SLC4A3: variants seen among roughly 807,000 people sequenced by gnomAD.
The protein encoded by SLC4A3 is anion exchange protein 3.
A neutral mutation model predicts 114.2 loss-of-function variants in SLC4A3; 47 were observed. The ratio of observed to expected loss-of-function variants is 0.41; its 90% CI spans 0.33 to 0.52. The LOEUF (loss-of-function observed/expected upper bound fraction) is 0.52. Among genes scored for constraint, SLC4A3 ranks in the 20% least tolerant of loss-of-function variants. The pLI, the probability that SLC4A3 is intolerant of heterozygous loss-of-function variation, is 0.21. For synonymous variants in SLC4A3, 693 were observed against 710.3 expected (o/e 0.98, Z 0.39); for missense variants, 1,312 against 1,668.3 (o/e 0.79, Z 3.72).
rs560406273 is a variant in SLC4A3, at chr2:219,639,746, G to C, written c.3277+11G>C. The C allele has an allele frequency of 4.4e-6, 7 of 1,601,114 alleles. No homozygotes were observed. The African/African-American group carries it at 6.7e-5, about 15-fold the overall frequency. The stretch of plus-strand genomic sequence containing the variant: ...TCGCCAGCCTCGTGGGTGAGAGCCC[G>C]CCTCCACCCTGCACACCCCCTTCCT... On this transcript the variant is annotated intron_variant, in intron 20 of 22. Coordinates refer to ENST00000358055, the MANE Select transcript of SLC4A3 (RefSeq NM_005070.4). This position sits in a 1 kb window ranked among gnomAD's most constrained non-coding sequence, Gnocchi z 5.9.
In SLC4A3 at chr2:219,638,249, C is replaced by G; in HGVS notation, c.2852C>G (p.Thr951Arg). ...LVDYSITDTY[T>R]QKLTVPTGLS... ...GATTACTCCATCACAGACACCTACA[C>G]GCAGGTGAGGGAGCCCCAGCCTGTG... Residue 951 changes from threonine (T) to arginine (R), a missense_variant, in exon 18 of 23, where the codon ACG becomes AGG. Physicochemically the swap from Thr to Arg is moderately conservative, Grantham distance 71 (BLOSUM62 -1). Around this residue, in one of 4 missense-constraint regions of SLC4A3, gnomAD observed 301 missense variants for 460.7 expected, o/e 0.65. Transcript: ENST00000358055. The surrounding 1 kb of genome is among the most constrained non-coding windows in gnomAD (Gnocchi z 7.5). 4 of 1,608,862 alleles carry G rather than the reference C, an allele frequency of 2.5e-6. No individual in the cohort carries two copies. The highest frequency in any genetic ancestry group is 3.4e-6 in the Non-Finnish European group (4 of 1,176,786).
rs1698873125 is a variant in SLC4A3 at position 219,630,241 on chromosome 2, C to T, written c.700C>T (p.Arg234Ter). 4.3e-6 allele frequency: 7 copies of T among 1,613,242 alleles called. No homozygotes were observed. The highest frequency in any genetic ancestry group is 2.2e-5 in the East Asian group (1 of 44,870). ...ATCGGCCAGTTATGACCTGCGGGAG[C>T]GACTGTGCCCAGGCAGTGCCCTGGG... ...SPSASYDLRE[R>*]LCPGSALGNP... Residue 234 changes from arginine (R) to a stop codon, truncating the protein, a stop_gained, in exon 6 of 23, where the codon CGA becomes TGA. Transcript: ENST00000358055. LOFTEE classifies it high-confidence loss of function. This position sits in a 1 kb window ranked among gnomAD's most constrained non-coding sequence, Gnocchi z 6.9.
At position 219,637,598 on chromosome 2, in the gene SLC4A3, A is replaced by G; in HGVS notation, c.2553A>G (p.Pro851=). 4 of 1,595,710 alleles carry G rather than the reference A, an allele frequency of 2.5e-6. No individual in the cohort carries two copies. Among genetic ancestry groups the G allele is most frequent in the Non-Finnish European group, 3.4e-6 (4 of 1,168,852 alleles). The change falls in exon 17 of 23, where the codon CCA becomes CCG. Residue 851 remains proline (P), a synonymous_variant. Coordinates refer to ENST00000358055, the MANE Select transcript of SLC4A3 (RefSeq NM_005070.4). The surrounding 1 kb of genome is among the most constrained non-coding windows in gnomAD (Gnocchi z 4.6). The part of the protein sequence containing the change: ...YKLYKVFTEH[P]LLPFYPPEGA... ...ACACACAGGTGTTCACAGAGCACCC[A>G]CTGCTGCCGTTCTACCCCCCTGAGG...
At chr2:219,632,532 G>T (rs1025978304) in intron 8 of SLC4A3, 90 bp downstream of exon 8, 1 of 1,401,366 alleles carries the variant, frequency 7.1e-7, no homozygotes, top group African/African-American at 1.4e-5. Flanking sequence ...CTAGAGTCCT[G>T]GGCACAGGCA....
rs1168360173 is a variant in SLC4A3, at chr2:219,636,329, T to C, written c.2219T>C (p.Val740Ala). 12 of 1,613,694 alleles carry C rather than the reference T, an allele frequency of 7.4e-6. No homozygotes were observed. The highest frequency in any genetic ancestry group is 6.6e-5 in the South Asian group (6 of 91,080). The change falls in exon 15 of 23, where the codon GTG becomes GCG. Residue 740 changes from valine (V) to alanine (A), a missense_variant. Around this residue, in one of 4 missense-constraint regions of SLC4A3, gnomAD observed 771 missense variants for 977.7 expected, o/e 0.79. Coordinates refer to ENST00000358055, the MANE Select transcript of SLC4A3 (RefSeq NM_005070.4). This position sits in a 1 kb window ranked among gnomAD's most constrained non-coding sequence, Gnocchi z 5.5. ...GAGAAGACCGAGGGGCTGATGGGCGTGTCCGAGCTGATCGTGTCCACCGCT... is the reference window on the plus strand; with the variant it reads ...GAGAAGACCGAGGGGCTGATGGGCGCGTCCGAGCTGATCGTGTCCACCGCT... Reference protein sequence around the residue: ...LGEKTEGLMGVSELIVSTAVL... With the variant: ...LGEKTEGLMGASELIVSTAVL...
rs1184678501 is a variant in SLC4A3, at chr2:219,635,824, T to C, written c.2124T>C (p.Cys708=). ...TGCGAGATGCGCTGCACTCCCAGTG[T>C]GTGGCCGCTGTGCTCTTCATCTACT... ...SDLRDALHSQ[C]VAAVLFIYFA... The change falls in exon 14 of 23, where the codon TGT becomes TGC. Residue 708 remains cysteine (C), a synonymous_variant. Coordinates refer to ENST00000358055, the MANE Select transcript of SLC4A3 (RefSeq NM_005070.4). The C allele has an allele frequency of 3.1e-6, 5 of 1,587,484 alleles. No individual in the cohort carries two copies. The highest frequency in any genetic ancestry group is 4.5e-5 in the East Asian group (2 of 44,508).
At chr2:219,633,151 A>C (rs114253543) in intron 9 of SLC4A3, 123 bp from the exon 10 acceptor site, 4 of 1,381,608 alleles carry the variant, frequency 2.9e-6, no homozygotes, top group Non-Finnish European at 4.0e-6. Context: ...ACTTTCAATC[A>C]TTATAAAGTT....
At position 219,632,747 on chromosome 2, in the gene SLC4A3, A is replaced by G. The variant is rs577083875; in HGVS notation, c.1142-127A>G. 151 of 1,219,196 alleles carry G rather than the reference A, an allele frequency of 1.2e-4. No homozygotes were observed. The East Asian group carries it at 3.6e-3, about 29-fold the overall frequency. The allele number at this position is 1,219,196 out of a possible 1,614,324, so 75.5% of individuals were successfully genotyped here. On this transcript the variant is annotated intron_variant, in intron 8 of 22. Coordinates refer to ENST00000358055, the MANE Select transcript of SLC4A3 (RefSeq NM_005070.4). ...TGTGGCAATATGGAGCTGTGTATCC[A>G]TCTGGGTACATTGGGCGCTTTGCCC... is the stretch of plus-strand genomic sequence containing the variant.
rs977981617 is a variant in SLC4A3 at position 219,627,918 on chromosome 2, C to T, written c.-75C>T. The T allele has an allele frequency of 4.6e-6, 6 of 1,290,382 alleles. No individual in the cohort carries two copies. In the Admixed American group the frequency reaches 1.2e-4, roughly 25 times the overall value. The allele number at this position is 1,290,382 out of a possible 1,614,324, so 79.9% of individuals were successfully genotyped here. ...CCCCCAGGGCTCCCCGCTAGGCCCC[C>T]TCAGTGGCCCCTCCTTCTCACCTGG... On this transcript the variant is annotated 5_prime_UTR_variant, in exon 2 of 23. Transcript: ENST00000358055.
rs1398488259 is a variant in SLC4A3, at chr2:219,638,647, T to C, written c.2857-56T>C. On this transcript the variant is annotated intron_variant, in intron 18 of 22. Transcript: ENST00000358055. The surrounding 1 kb of genome is among the most constrained non-coding windows in gnomAD (Gnocchi z 7.5). ...GGACGCAGCTTAGTGGGCTGCTTGG[T>C]GGGCTTTCTAGCATGGGGAGGCTGT... The C allele has an allele frequency of 6.3e-7, 1 of 1,581,428 alleles. No homozygotes were observed.
chr2:219,629,030 G>A, intron 3 of SLC4A3, 114 bp from the exon 4 acceptor site: 1 of 1,290,616 alleles, frequency 7.7e-7, no homozygotes, highest in Non-Finnish European at 1.0e-6. Flanking sequence ...TGGCCCTGGA[G>A]GAAGGACTAG....
intron 12 of SLC4A3, 138 bp downstream of exon 12, chr2:219,634,742 G>A: frequency 1.1e-6 from 1 of 900,330 alleles, no homozygotes; most frequent in Non-Finnish European, 1.6e-6. Context: ...GGGTGGTGGG[G>A]GGAGCTGTTG....
chr2:219,634,637 T>C, intron 12 of SLC4A3, 33 bp downstream of exon 12: 1 of 1,603,684 alleles, frequency 6.2e-7, no homozygotes, highest in Non-Finnish European at 8.5e-7. Context: ...AGGCCTCTTC[T>C]CCTAGGCCCT....
At chr2:219,632,468 G>A (rs763279488) in intron 8 of SLC4A3, 26 bp downstream of exon 8, 45 of 1,563,396 alleles carry the variant, frequency 2.9e-5, no homozygotes, top group African/African-American at 4.1e-5. Context: ...CCTGGCCCGA[G>A]GCTGCAAGCC....
At position 219,639,877 on chromosome 2, in the gene SLC4A3, C is replaced by A; in HGVS notation, c.3277+142C>A. On this transcript the variant is annotated intron_variant, in intron 20 of 22. Coordinates refer to ENST00000358055, the MANE Select transcript of SLC4A3 (RefSeq NM_005070.4). This position sits in a 1 kb window ranked among gnomAD's most constrained non-coding sequence, Gnocchi z 5.9. ...ACCCCCAAACCTGCTTCCCAGCACT[C>A]CCCTAGCCCTTTACTCCTGGAGTCC... 1 of 1,049,352 alleles carries A rather than the reference C, an allele frequency of 9.5e-7. No individual in the cohort carries two copies. The highest frequency in any genetic ancestry group is 1.4e-6 in the Non-Finnish European group (1 of 729,976). The allele number at this position is 1,049,352 out of a possible 1,614,324, so 65.0% of individuals were successfully genotyped here. A position where few individuals can be genotyped will look rare whatever the true frequency, so the allele number is the denominator to read the frequency against.
Position 219,640,733 on chromosome 2 carries a change from G to A in SLC4A3, c.3448-56G>A, listed in dbSNP as rs141554422. Reference sequence around the variant, plus strand: ...GGGAGCCAAATTCCCCACGATGTGGGTGGGTGGGAGCAGGCCGGGACGCTG... The same window carrying A: ...GGGAGCCAAATTCCCCACGATGTGGATGGGTGGGAGCAGGCCGGGACGCTG... On this transcript the variant is annotated intron_variant, in intron 21 of 22. Coordinates refer to ENST00000358055, the MANE Select transcript of SLC4A3 (RefSeq NM_005070.4). 1,440 of 1,585,412 alleles carry A rather than the reference G, an allele frequency of 9.1e-4. 13 individuals are homozygous for A. In the African/African-American group the frequency reaches 0.017, roughly 19 times the overall value.
chr2:219,638,753 G>C lies in SLC4A3; in HGVS notation c.2907G>C (p.Ser969=), dbSNP rs201033526. ...CAGTGACCTCTCCCGATAAGCGCTC[G>C]TGGTTCATCCCACCCCTGGGCAGTG... ...GLSVTSPDKR[S]WFIPPLGSAR... is the part of the protein sequence containing the mutation. The change falls in exon 19 of 23, where the codon TCG becomes TCC. Residue 969 remains serine, a synonymous_variant. Coordinates refer to ENST00000358055, the MANE Select transcript of SLC4A3 (RefSeq NM_005070.4). The surrounding 1 kb of genome is among the most constrained non-coding windows in gnomAD (Gnocchi z 7.5). The C allele has an allele frequency of 4.3e-5, 70 of 1,614,124 alleles. No homozygotes were observed. Among genetic ancestry groups the C allele is most frequent in the South Asian group, 2.9e-4 (26 of 91,086 alleles).
At position 219,638,152 on chromosome 2, in the gene SLC4A3, GC is replaced by G; in HGVS notation, c.2767-8del. 6.2e-7 allele frequency: 1 copy of G among 1,604,866 alleles called. No individual in the cohort carries two copies. The highest frequency in any genetic ancestry group is 1.1e-5 in the South Asian group (1 of 89,688). ...CACCTTTTGCTCCCTTCCCCAACTG[GC>G]CCCTCTCAAGGCTCGTCGCATCATC... On this transcript the variant is annotated splice_polypyrimidine_tract_variant and intron_variant, in intron 17 of 22. Coordinates refer to ENST00000358055, the MANE Select transcript of SLC4A3 (RefSeq NM_005070.4). The surrounding 1 kb of genome is among the most constrained non-coding windows in gnomAD (Gnocchi z 7.5).
chr2:219,633,973 C>T lies in SLC4A3; in HGVS notation c.1555C>T (p.Leu519Phe). The change falls in exon 11 of 23, where the codon CTT (leucine) becomes TTT (phenylalanine). Residue 519 changes from leucine (L) to phenylalanine (F), a missense_variant. Coordinates refer to ENST00000358055, the MANE Select transcript of SLC4A3 (RefSeq NM_005070.4). ...TGAAGATGCTGAGGCCACGGTTGTG[C>T]TTGTGGGTGAGGAGGGCCGGGCGCC... ...IPEDAEATVVLVGCVPFLEQP... is the reference protein window; with the variant it reads ...IPEDAEATVVFVGCVPFLEQP... 1 of 1,552,986 alleles carries T rather than the reference C, an allele frequency of 6.4e-7. No individual in the cohort carries two copies. Among genetic ancestry groups the T allele is most frequent in the Non-Finnish European group, 8.7e-7 (1 of 1,147,570 alleles).
Sources: gnomAD v4.1 joint callset for allele counts on GRCh38, gnomAD v4.1.1 for gene constraint, gnomAD v4.1.1 regional missense constraint, Gnocchi (gnomAD v3.1) non-coding constraint, MANE v1.5 for transcripts, NCBI Gene and HGNC (gene_info 2026-07-23, HGNC 2026-07-21) for gene names.